The following MAMDC2 variants were observed in gnomAD, a reference collection of about 807,000 sequenced individuals.
MAMDC2 encodes MAM domain-containing protein 2.
Under a neutral mutation model 89.8 loss-of-function variants are expected in MAMDC2, and 57 were observed. The ratio of observed to expected loss-of-function variants is 0.63; its 90% CI spans 0.51 to 0.79. The LOEUF (loss-of-function observed/expected upper bound fraction) is 0.79. MAMDC2 is among the 30% of genes least tolerant of loss of function. MAMDC2 has a pLI of 0.00. For synonymous variants in MAMDC2, 313 were observed against 293.4 expected (o/e 1.07, Z -0.68); for missense variants, 800 against 820.6 (o/e 0.97, Z 0.31).
chr9:70,104,698 T>C (rs1330073155), intron 2 of MAMDC2, among the ~76,000 whole-genome samples: 1 of 152,218 alleles, frequency 6.6e-6, no homozygotes, highest in East Asian at 1.9e-4. Flanking sequence ...GGGACACATA[T>C]TATATAATTC....
chr9:70,125,918 G>A (rs544779062), intron 5 of MAMDC2, among the ~76,000 whole-genome samples: 1 of 152,170 alleles, frequency 6.6e-6, no homozygotes, highest in Non-Finnish European at 1.5e-5. Flanking sequence ...AGTAAGGAAA[G>A]TAAAAGGAAT....
At chr9:70,158,272 G>T (rs1225474144) in intron 9 of MAMDC2, among the ~76,000 whole-genome samples, 1 of 152,040 alleles carries the variant, frequency 6.6e-6, no homozygotes, top group East Asian at 1.9e-4. Context: ...TAAAAGTAAT[G>T]AAATAATACA....
intron 10 of MAMDC2, 38 bp downstream of exon 10, chr9:70,168,833 C>A (rs1243380634): frequency 1.4e-6 from 2 of 1,464,550 alleles, no homozygotes; most frequent in Admixed American, 1.7e-5. Context: ...GTCTCTCTGA[C>A]CTATACATAC....
At chr9:70,152,186 C>T (rs1467537621) in intron 9 of MAMDC2, among the ~76,000 whole-genome samples, 2 of 152,194 alleles carry the variant, frequency 1.3e-5, no homozygotes, top group Non-Finnish European at 1.5e-5. Context: ...AGTTATCCAA[C>T]CTGTTTTAAG....
intron 6 of MAMDC2, among the ~76,000 whole-genome samples, chr9:70,128,094 G>A (rs975591919): frequency 1.3e-5 from 2 of 152,148 alleles, no homozygotes; most frequent in Non-Finnish European, 2.9e-5. Context: ...GGTGTTATTT[G>A]CTCTCACTCA....
rs952892453 is a variant in MAMDC2 at position 70,044,096 on chromosome 9, C to T, written c.-102C>T. The stretch of plus-strand genomic sequence containing the variant: ...CTCTCGACTTCTCCCTCCTTGGGTC[C>T]CCGGCGCCCCCGCCTCCCACGATCC... On this transcript the variant is annotated 5_prime_UTR_variant, in exon 1 of 14. Transcript: ENST00000377182. The T allele has an allele frequency of 1.5e-5, 22 of 1,422,650 alleles. No homozygotes were observed. In the East Asian group the frequency reaches 4.1e-4, roughly 27 times the overall value. The allele number at this position is 1,422,650 out of a possible 1,614,324, so 88.1% of individuals were successfully genotyped here.
In MAMDC2 at chr9:70,126,178, C is replaced by T; in HGVS notation, c.663C>T (p.Asp221=). 1 of 1,613,114 alleles carries T rather than the reference C, an allele frequency of 6.2e-7. No individual in the cohort carries two copies. The highest frequency in any genetic ancestry group is 8.5e-7 in the Non-Finnish European group (1 of 1,179,666). Residue 221 remains aspartate, a synonymous_variant, in exon 6 of 14, where the codon GAC becomes GAT. Coordinates refer to ENST00000377182, the MANE Select transcript of MAMDC2 (RefSeq NM_153267.5). ...TTTCAGGCCACTACATGTACGTGGA[C>T]TCAGTTTATGTGAAGCACTTCCAGG... ...KSELGHYMYV[D]SVYVKHFQEV... is the part of the protein sequence containing the mutation.
chr9:70,184,633 C>G (rs2032711769), intron 11 of MAMDC2, among the ~76,000 whole-genome samples: 1 of 151,520 alleles, frequency 6.6e-6, no homozygotes, highest in Non-Finnish European at 1.5e-5. Flanking sequence ...GTAAGTTGAT[C>G]CTCAATTTCT....
intron 5 of MAMDC2, among the ~76,000 whole-genome samples, chr9:70,120,563 C>T (rs577585322): frequency 1.3e-5 from 2 of 152,332 alleles, no homozygotes; most frequent in Middle Eastern, 3.4e-3. Context: ...TGATTCATCT[C>T]GAGCCTTCTC....
intron 11 of MAMDC2, among the ~76,000 whole-genome samples, chr9:70,204,509 G>A (rs2118642325): frequency 6.7e-6 from 1 of 149,296 alleles, no homozygotes; most frequent in South Asian, 2.2e-4. Context: ...CTGTCTTTTT[G>A]TTTGTCTGTG....
At chr9:70,194,800 T>C (rs927129883) in intron 11 of MAMDC2, among the ~76,000 whole-genome samples, 3 of 152,162 alleles carry the variant, frequency 2.0e-5, no homozygotes, top group African/African-American at 7.2e-5. Flanking sequence ...CTCCTTGTTT[T>C]GTCATTTGTG....
At chr9:70,224,260 T>G (rs534715541) in intron 12 of MAMDC2, among the ~76,000 whole-genome samples, 83 of 152,006 alleles carry the variant, frequency 5.5e-4, no homozygotes, top group Non-Finnish European at 1.1e-3. Context: ...GTGAGAGAGA[T>G]ATGAAAGGGG....
chr9:70,071,869 A>G (rs989492560), intron 2 of MAMDC2: 2 of 152,210 alleles, frequency 1.3e-5, no homozygotes, highest in Non-Finnish European at 2.9e-5. Flanking sequence ...CAAAAATGAA[A>G]TTGGCGTTTC....
chr9:70,054,366 G>A (rs1826979689), intron 2 of MAMDC2, among the ~76,000 whole-genome samples: 1 of 152,136 alleles, frequency 6.6e-6, no homozygotes, highest in Admixed American at 6.5e-5. Context: ...GAAGAACCGG[G>A]CATGTATGAG....
chr9:70,055,748 GATT>G (rs1207596376), intron 2 of MAMDC2, among the ~76,000 whole-genome samples: 2 of 152,154 alleles, frequency 1.3e-5, no homozygotes, highest in Non-Finnish European at 2.9e-5. Flanking sequence ...CCATTTGAAG[GATT>G]CTCTTCTCAA....
intron 11 of MAMDC2, among the ~76,000 whole-genome samples, chr9:70,176,602 G>T (rs553736019): frequency 4.6e-4 from 70 of 152,204 alleles, no homozygotes; most frequent in Middle Eastern, 3.4e-3. Context: ...TCTAGGGCCT[G>T]CCTTCTTTAT....
At chr9:70,129,231 G>A (rs144776710) in intron 6 of MAMDC2, among the ~76,000 whole-genome samples, 84 of 152,228 alleles carry the variant, frequency 5.5e-4, no homozygotes, top group Middle Eastern at 3.4e-3. Flanking sequence ...TGCCTTTCTC[G>A]TGATAGTGAA....
chr9:70,115,983 C>T (rs2029966745), intron 5 of MAMDC2, among the ~76,000 whole-genome samples: 1 of 152,130 alleles, frequency 6.6e-6, no homozygotes, highest in African/African-American at 2.4e-5. Context: ...TCTGTCATAT[C>T]TTAAGAATCT....
At chr9:70,202,371 G>A (rs1330767595) in intron 11 of MAMDC2, among the ~76,000 whole-genome samples, 9 of 152,116 alleles carry the variant, frequency 5.9e-5, no homozygotes, top group African/African-American at 1.9e-4. Context: ...GCTTTGAGTG[G>A]GATTCTTAAT....
Sources: allele counts gnomAD v4.1 joint callset (sites outside exome capture counted in the v4.1 genomes callset), GRCh38; gene constraint gnomAD v4.1.1; transcripts MANE v1.5; gene names NCBI Gene and HGNC (gene_info 2026-07-23, HGNC 2026-07-21).